Variants in IREB2 observed in about 807,000 individuals in gnomAD.
The protein encoded by IREB2 is iron-responsive element-binding protein 2.
In IREB2, 39 loss-of-function variants were observed where a neutral mutation model predicts 118.8. The observed-to-expected ratio is 0.33, with a 90% CI of 0.25 to 0.43. The LOEUF is 0.43. Among genes scored for constraint, IREB2 ranks in the 20% least tolerant of loss-of-function variants. IREB2 has a pLI of 1.00. For synonymous variants in IREB2, 372 were observed against 392.2 expected (o/e 0.95, Z 0.61); for missense variants, 900 against 1,147.3 (o/e 0.78, Z 3.11).
chr15:78,490,606 T>A lies in IREB2; in HGVS notation c.2182-13T>A. 1 of 1,613,564 alleles carries A rather than the reference T, an allele frequency of 6.2e-7. No individual in the cohort carries two copies. The highest frequency in any genetic ancestry group is 8.5e-7 in the Non-Finnish European group (1 of 1,179,778). On this transcript the variant is annotated splice_polypyrimidine_tract_variant and intron_variant, in intron 17 of 21. Coordinates refer to ENST00000258886, the MANE Select transcript of IREB2 (RefSeq NM_004136.4). Reference sequence around the variant, plus strand: ...TTGTAAAGAGTTAAATGCCTTGAACTTTTACCTTCTAGACCAAAGAGCCAA... The same window carrying A: ...TTGTAAAGAGTTAAATGCCTTGAACATTTACCTTCTAGACCAAAGAGCCAA...
intron 10 of IREB2, among the ~76,000 whole-genome samples, chr15:78,478,908 C>T (rs2051521010): frequency 6.6e-6 from 1 of 152,038 alleles, no homozygotes; most frequent in South Asian, 2.1e-4. Flanking sequence ...GTTCCAGGCA[C>T]ATAGTAAATG....
chr15:78,463,472 T>A (rs907570023), intron 3 of IREB2, among the ~76,000 whole-genome samples: 1 of 151,966 alleles, frequency 6.6e-6, no homozygotes, highest in Non-Finnish European at 1.5e-5. Flanking sequence ...AAAATCAGAC[T>A]TCCTAATGGA....
At chr15:78,454,235 A>T (rs894676369) in intron 2 of IREB2, among the ~76,000 whole-genome samples, 2 of 152,244 alleles carry the variant, frequency 1.3e-5, no homozygotes, top group Non-Finnish European at 2.9e-5. Flanking sequence ...AGATTTTCAA[A>T]TGATCTTAGC....
rs2050895904 is a variant in IREB2 at position 78,444,464 on chromosome 15, C to A, written c.106+4583C>A. On this transcript the variant is annotated intron_variant, in intron 2 of 21. Coordinates refer to ENST00000258886, the MANE Select transcript of IREB2 (RefSeq NM_004136.4). ...TGTAAAGCCCCCAGGCACCCTTTAT[C>A]TCAGGTCATCTTATTCACCCTTTCT... Among the ~76,000 whole-genome samples the A allele has an allele frequency of 2.0e-5, 3 of 152,096 alleles. No homozygotes were observed. In the South Asian group the frequency reaches 6.2e-4, roughly 31 times the overall value.
chr15:78,494,021 G>C lies in IREB2; in HGVS notation c.2437G>C (p.Ala813Pro). Residue 813 changes from alanine to proline, a missense_variant, in exon 19 of 22, where the codon GCT becomes CCT. Ala to Pro is a conservative substitution (Grantham distance 27). Transcript: ENST00000258886. ...TTTTAATAAGTTTATTGGAAAACCA[G>C]CTCCTAAAACAATTCATTTTCCATC... ...KLFNKFIGKP[A>P]PKTIHFPSGQ... is the part of the protein sequence containing the mutation. 6.2e-7 allele frequency: 1 copy of C among 1,614,088 alleles called. No homozygotes were observed. The highest frequency in any genetic ancestry group is 8.5e-7 in the Non-Finnish European group (1 of 1,179,990).
chr15:78,470,627 G>A (rs1753954779), intron 6 of IREB2, 26 bp downstream of exon 6: 4 of 1,226,618 alleles, frequency 3.3e-6, no homozygotes, highest in African/African-American at 1.6e-5. Flanking sequence ...GGAAATTTTT[G>A]TATTGTAATA....
At chr15:78,476,043 T>G in intron 8 of IREB2, 145 bp from the exon 9 acceptor site, 4 of 503,974 alleles carry the variant, frequency 7.9e-6, no homozygotes, top group Non-Finnish European at 1.4e-5. Context: ...AAAACCAGAA[T>G]GAGTTGATTC....
chr15:78,446,255 A>G (rs2050927355), intron 2 of IREB2, among the ~76,000 whole-genome samples: 1 of 152,240 alleles, frequency 6.6e-6, no homozygotes, highest in African/African-American at 2.4e-5. Context: ...CACATAGTAC[A>G]TAACTTTCCA....
intron 2 of IREB2, among the ~76,000 whole-genome samples, chr15:78,447,109 T>C (rs1011781398): frequency 2.0e-5 from 3 of 152,200 alleles, no homozygotes; most frequent in Non-Finnish European, 4.4e-5. Context: ...TAGGCATGCA[T>C]AGAACCCATG....
At chr15:78,451,761 C>T (rs927386238) in intron 2 of IREB2, among the ~76,000 whole-genome samples, 1 of 152,072 alleles carries the variant, frequency 6.6e-6, no homozygotes, top group African/African-American at 2.4e-5. Flanking sequence ...ACAATCTTGG[C>T]TCACTGCAAC....
Position 78,476,269 on chromosome 15 carries a change from A to G in IREB2, c.1105A>G (p.Thr369Ala). 1 of 1,610,520 alleles carries G rather than the reference A, an allele frequency of 6.2e-7. No individual in the cohort carries two copies. The highest frequency in any genetic ancestry group is 8.5e-7 in the Non-Finnish European group (1 of 1,177,298). ...GVSQLSIVDR[T>A]TIANMCPEYG... ...TTCACAATTATCTATAGTTGATCGA[A>G]CTACAATAGCAAACATGTGTCCGGA... is the stretch of plus-strand genomic sequence containing the variant. The change falls in exon 9 of 22, where the codon ACT (threonine) becomes GCT (alanine). Residue 369 changes from threonine (T) to alanine (A), a missense_variant. By Grantham distance (58) the Thr-to-Ala change is moderately conservative (BLOSUM62 0). Coordinates refer to ENST00000258886, the MANE Select transcript of IREB2 (RefSeq NM_004136.4).
chr15:78,498,028 T>C lies in IREB2; in HGVS notation c.2782-5T>C. ...CTCACATGAGATGTTTTTGCTCCTTTCAAGACAAGCACTGGAAAAGTATTC... is the reference window on the plus strand; with the variant it reads ...CTCACATGAGATGTTTTTGCTCCTTCCAAGACAAGCACTGGAAAAGTATTC... On this transcript the variant is annotated splice_polypyrimidine_tract_variant and splice_region_variant and intron_variant, in intron 21 of 21. Transcript: ENST00000258886. The C allele has an allele frequency of 6.3e-7, 1 of 1,591,768 alleles. No homozygotes were observed. The highest frequency in any genetic ancestry group is 1.7e-4 in the Middle Eastern group (1 of 6,012).
At chr15:78,471,966 G>A (rs777207920) in intron 7 of IREB2, 42 bp downstream of exon 7, 98 of 1,394,238 alleles carry the variant, frequency 7.0e-5, no homozygotes, top group Non-Finnish European at 9.0e-5. Context: ...TTTGGGGTAA[G>A]GATGTCAAGA....
rs143021039 is a variant in IREB2 at position 78,477,628 on chromosome 15, T to C, written c.1196-669T>C. ...TCCTTACCCCCAAAGATTTCAAAATTCCTTACTGAGGCCAGGCTCAGTGGC... is the reference window on the plus strand; with the variant it reads ...TCCTTACCCCCAAAGATTTCAAAATCCCTTACTGAGGCCAGGCTCAGTGGC... On this transcript the variant is annotated intron_variant, in intron 9 of 21. Coordinates refer to ENST00000258886, the MANE Select transcript of IREB2 (RefSeq NM_004136.4). 3.9e-5 allele frequency among the ~76,000 whole-genome samples: 6 copies of C among 152,278 alleles called. No homozygotes were observed. The East Asian group carries it at 1.2e-3, about 29-fold the overall frequency.
intron 2 of IREB2, among the ~76,000 whole-genome samples, chr15:78,447,091 C>G (rs1055949501): frequency 4.6e-5 from 7 of 152,058 alleles, no homozygotes; most frequent in African/African-American, 1.7e-4. Flanking sequence ...ACTCTTTGTT[C>G]CCTTCAGTAG....
intron 1 of IREB2, chr15:78,438,610 C>T (rs1180803921): frequency 4.0e-6 from 2 of 499,806 alleles, no homozygotes; most frequent in African/African-American, 2.0e-5. Context: ...GACCCGCACC[C>T]CTCTCTCTCC....
Position 78,498,835 on chromosome 15 carries a change from C to T in IREB2, c.*692C>T, listed in dbSNP as rs1244689670. Reference sequence around the variant, plus strand: ...GTATTAGCAGTGGGAATATGTATCACATATGATGCAGCCTTTCATATTTCA... The same window carrying T: ...GTATTAGCAGTGGGAATATGTATCATATATGATGCAGCCTTTCATATTTCA... On this transcript the variant is annotated 3_prime_UTR_variant, in exon 22 of 22. Transcript: ENST00000258886. 6.6e-6 allele frequency: 1 copy of T among 152,230 alleles called. No homozygotes were observed. The highest frequency in any genetic ancestry group is 2.4e-5 in the African/African-American group (1 of 41,466). The allele number at this position is 152,230 out of a possible 1,614,324, so 9.4% of individuals were successfully genotyped here.
intron 2 of IREB2, among the ~76,000 whole-genome samples, chr15:78,450,596 G>A (rs116545329): frequency 0.013 from 1,945 of 152,282 alleles, 43 homozygotes; most frequent in African/African-American, 0.044. Flanking sequence ...GGGGGCAAGA[G>A]CCCTTCAGAG....
chr15:78,465,322 A>T lies in IREB2; in HGVS notation c.344A>T (p.Lys115Ile), dbSNP rs755496176. Residue 115 changes from lysine (K) to isoleucine (I), a missense_variant, in exon 4 of 22, where the codon AAA (lysine) becomes ATA (isoleucine). Transcript: ENST00000258886. ...AAAACTCTTGGAGGTGATCCTGAGA[A>T]AGTCCATCCTGCTTGTCCGACAGAT... ...AVKTLGGDPE[K>I]VHPACPTDLT... The T allele has an allele frequency of 2.5e-6, 4 of 1,613,828 alleles. No homozygotes were observed. In the East Asian group the frequency reaches 8.9e-5, roughly 36 times the overall value.
Sources: gnomAD v4.1 joint callset for allele counts (sites outside exome capture counted in the v4.1 genomes callset) on GRCh38, gnomAD v4.1.1 for gene constraint, MANE v1.5 for transcripts, NCBI Gene and HGNC (gene_info 2026-07-23, HGNC 2026-07-21) for gene names.